The following IQANK1 variants were observed in gnomAD, a reference collection of about 807,000 sequenced individuals.
The protein encoded by IQANK1 is IQ motif and ankyrin repeat containing 1, also known as IQ motif and ankyrin repeat domain-containing protein 1.
A neutral mutation model predicts 22.6 loss-of-function variants in IQANK1; 30 were observed. The observed-to-expected ratio is 1.33, with a 90% CI of 0.99 to 1.80. IQANK1 has a LOEUF of 1.80. Among genes scored for constraint, IQANK1 ranks in the 40% most tolerant of loss-of-function variants. The probability of loss-of-function intolerance (pLI) is 0.00; values close to 1 mark genes in which losing one functional copy is unlikely to be tolerated. For synonymous variants in IQANK1, 122 were observed against 99.6 expected, an observed-to-expected ratio of 1.23 and a Z score of -1.34; for missense variants, 275 against 235.2, an observed-to-expected ratio of 1.17 and a Z score of -1.11.
intron 2 of IQANK1, chr8:143,739,493 C>T (rs1431902957): frequency 7.5e-5 from 16 of 213,940 alleles, no homozygotes; most frequent in South Asian, 1.4e-4. Context: ...GGGGGAGGGA[C>T]GTGGCACAAG....
At chr8:143,787,792 A>G (rs1028647180) in intron 7 of IQANK1, among the ~76,000 whole-genome samples, 8 of 150,680 alleles carry the variant, frequency 5.3e-5, no homozygotes, top group African/African-American at 7.4e-5. Context: ...CCCACGCCAC[A>G]AACCCCTTGC....
intron 2 of IQANK1, among the ~76,000 whole-genome samples, chr8:143,739,104 G>A (rs2129761008): frequency 6.6e-6 from 1 of 152,308 alleles, no homozygotes; most frequent in Admixed American, 6.5e-5. Flanking sequence ...TGCCATCCTG[G>A]CTGGGGGCTG....
chr8:143,739,772 C>T (rs1818849531), intron 2 of IQANK1, 87 bp from the exon 3 acceptor site: 1 of 599,932 alleles, frequency 1.7e-6, no homozygotes, highest in Non-Finnish European at 3.0e-6. Flanking sequence ...GGACGCACGG[C>T]CCTTTCGGTG....
At chr8:143,776,964 A>G (rs1176696468) in intron 7 of IQANK1, among the ~76,000 whole-genome samples, 1 of 152,040 alleles carries the variant, frequency 6.6e-6, no homozygotes, top group Non-Finnish European at 1.5e-5. Flanking sequence ...TAGAATTAAA[A>G]AAAAAATTAA....
chr8:143,789,281 G>A, intron 9 of IQANK1, 38 bp downstream of exon 9: 1 of 404,690 alleles, frequency 2.5e-6, no homozygotes, highest in Non-Finnish European at 4.3e-6. Flanking sequence ...GAAAGGAGGA[G>A]GGAGAGCCGG....
intron 3 of IQANK1, 37 bp downstream of exon 3, chr8:143,739,985 C>T: frequency 1.5e-6 from 1 of 673,164 alleles, no homozygotes; most frequent in Non-Finnish European, 2.7e-6. Flanking sequence ...TGTGGGTGAC[C>T]GGGTGAGCTG....
rs61749050 is a variant in IQANK1, at chr8:143,758,966, G to A, written c.176-12522G>A. On this transcript the variant is annotated intron_variant, in intron 3 of 13. Transcript: ENST00000527139. This position sits in a 1 kb window ranked among gnomAD's most constrained non-coding sequence, Gnocchi z 4.2. ...TCCTCGCCCAAGCTGGAGAGCATCCGCTGCACCCGCCATGCCGGGAAGAGC... is the reference window on the plus strand; with the variant it reads ...TCCTCGCCCAAGCTGGAGAGCATCCACTGCACCCGCCATGCCGGGAAGAGC... The A allele has an allele frequency of 9.2e-3, 1,640 of 179,192 alleles. 29 individuals carry two copies. Among genetic ancestry groups the A allele is most frequent in the African/African-American group, 0.028 (1,176 of 41,728 alleles). 11.1% of individuals were successfully genotyped at this position (179,192 alleles called of 1,614,324 possible). A position where few individuals can be genotyped will look rare whatever the true frequency, so the allele number is the denominator to read the frequency against.
intron 7 of IQANK1, 126 bp from the exon 8 acceptor site, chr8:143,788,789 G>C: frequency 5.0e-6 from 2 of 397,676 alleles, no homozygotes; most frequent in Non-Finnish European, 8.9e-6. Flanking sequence ...CGCACCAGCT[G>C]TGAGCACTGA....
At chr8:143,736,515 A>T (rs1554625707) in intron 2 of IQANK1, among the ~76,000 whole-genome samples, 1 of 152,010 alleles carries the variant, frequency 6.6e-6, no homozygotes, top group Non-Finnish European at 1.5e-5. Context: ...CCAGCTTTGG[A>T]ACACATGGAG....
chr8:143,788,124 T>C (rs1036461968), intron 7 of IQANK1, among the ~76,000 whole-genome samples: 25 of 152,112 alleles, frequency 1.6e-4, no homozygotes, highest in African/African-American at 5.1e-4. Flanking sequence ...CTGGCCACAC[T>C]AGACAACAGG....
rs974376301 is a variant in IQANK1, at chr8:143,789,768, A to C, written c.1094A>C (p.Lys365Thr). The C allele has an allele frequency of 2.7e-5, 33 of 1,232,076 alleles. No homozygotes were observed. The highest frequency in any genetic ancestry group is 3.1e-4 in the Middle Eastern group (1 of 3,208). 76.3% of individuals were successfully genotyped at this position (1,232,076 alleles called of 1,614,324 possible). ...DKTKLTLQAI[K>T]DTEAQVDRLR... ...TGTGGCCTCCTCCTCCAGGCCATCA[A>C]GGACACAGAGGCCCAGGTGGACAGG... The change falls in exon 11 of 14, where the codon AAG becomes ACG. Residue 365 changes from lysine to threonine, a missense_variant. Physicochemically the swap from Lys to Thr is moderately conservative, Grantham distance 78. Coordinates refer to ENST00000527139, the MANE Select transcript of IQANK1 (RefSeq NM_001381874.1).
chr8:143,783,686 T>C (rs1371994070), intron 7 of IQANK1, among the ~76,000 whole-genome samples: 3 of 152,240 alleles, frequency 2.0e-5, no homozygotes. Context: ...GGTGCAGTCT[T>C]CTACATCTTT....
chr8:143,785,253 C>CTTTTTTTTTTTTTTTTTTTTTTTTTT (rs36118052), intron 7 of IQANK1, among the ~76,000 whole-genome samples: 1 of 92,040 alleles, frequency 1.1e-5, no homozygotes, highest in Non-Finnish European at 2.3e-5. Flanking sequence ...TGTTCTGTAT[C>CTTTTTTTTTTTTTTTTTTTTTTTTTT]TTTTTTTTTT....
At chr8:143,750,847 A>G (rs879955518) in intron 3 of IQANK1, among the ~76,000 whole-genome samples, 1 of 152,182 alleles carries the variant, frequency 6.6e-6, no homozygotes, top group Admixed American at 6.5e-5. Context: ...ATTAATAATT[A>G]CTGACAAGAA....
At chr8:143,742,671 C>T (rs548383167) in intron 3 of IQANK1, 1 of 455,970 alleles carries the variant, frequency 2.2e-6, no homozygotes, top group Admixed American at 2.3e-5. Flanking sequence ...TGGCTGAGCC[C>T]CAGAGCCCCA....
chr8:143,782,477 T>C (rs1819813746), intron 7 of IQANK1, among the ~76,000 whole-genome samples: 1 of 152,154 alleles, frequency 6.6e-6, no homozygotes, highest in African/African-American at 2.4e-5. Context: ...CTTTTCTTTT[T>C]TTCTTTTTCT....
chr8:143,789,496 AGGTGCAT>A lies in IQANK1; in HGVS notation c.1057_1063del (p.Cys353ThrfsTer52), dbSNP rs1439056861. On this transcript the variant is annotated frameshift_variant, in exon 10 of 14. Transcript: ENST00000527139. LOFTEE classifies it high-confidence loss of function. ...CTCAGAGCACGACCAGTGTGAGTGG[AGGTGCAT>A]GGACAAGACCAAGCTCACGCTGCAG... The A allele has an allele frequency of 1.6e-6, 2 of 1,232,162 alleles. No homozygotes were observed. The highest frequency in any genetic ancestry group is 3.1e-5 in the African/African-American group (2 of 64,480). The allele number at this position is 1,232,162 out of a possible 1,614,324, so 76.3% of individuals were successfully genotyped here.
chr8:143,772,756 C>T (rs201254495), intron 7 of IQANK1, among the ~76,000 whole-genome samples: 5 of 152,232 alleles, frequency 3.3e-5, no homozygotes, highest in East Asian at 3.8e-4. Flanking sequence ...GTGGCAGCGA[C>T]TCCCATTTTG....
At chr8:143,775,984 A>C (rs1819674261) in intron 7 of IQANK1, among the ~76,000 whole-genome samples, 1 of 152,038 alleles carries the variant, frequency 6.6e-6, no homozygotes, top group African/African-American at 2.4e-5. Context: ...GAGAAAGAGA[A>C]GGTTGAAAAA....
Sources: allele counts gnomAD v4.1 joint callset (sites outside exome capture counted in the v4.1 genomes callset), GRCh38; gene constraint gnomAD v4.1.1; non-coding constraint Gnocchi (gnomAD v3.1); transcripts MANE v1.5; gene names NCBI Gene and HGNC (gene_info 2026-07-23, HGNC 2026-07-21).